PLEKHA6: variants seen among roughly 807,000 people sequenced by gnomAD.
PLEKHA6 encodes the protein pleckstrin homology domain-containing family A member 6.
PLEKHA6 carries 60 observed loss-of-function variants against 116.7 expected under a neutral mutation model. The observed-to-expected ratio is 0.51, with a 90% confidence interval of 0.42 to 0.64. PLEKHA6 has a LOEUF of 0.64. Ranked by LOEUF, PLEKHA6 falls within the 30% of genes least tolerant of loss-of-function variation. The pLI is 0.00. For synonymous variants in PLEKHA6, 489 were observed against 556.1 expected (o/e 0.88, Z 1.70); for missense variants, 1,338 against 1,422.7 (o/e 0.94, Z 0.96).
chr1:204,331,760 A>T (rs1006610477), intron 1 of PLEKHA6, among the ~76,000 whole-genome samples: 14 of 152,126 alleles, frequency 9.2e-5, no homozygotes, highest in Admixed American at 9.2e-4. Context: ...AAAGATGGAG[A>T]GGGCAGTGTT....
intron 1 of PLEKHA6, among the ~76,000 whole-genome samples, chr1:204,333,067 G>A (rs1672516864): frequency 1.3e-5 from 2 of 152,336 alleles, no homozygotes; most frequent in Non-Finnish European, 2.9e-5. Context: ...TAAGGCAAAC[G>A]ACAAACTAAG....
chr1:204,297,188 T>TCTAA (rs1288204219), intron 1 of PLEKHA6: 2 of 982,428 alleles, frequency 2.0e-6, no homozygotes, highest in Non-Finnish European at 2.4e-6. Flanking sequence ...ATCTCCTGGC[T>TCTAA]CTAACATTTG....
intron 1 of PLEKHA6, among the ~76,000 whole-genome samples, chr1:204,344,139 T>G (rs895953517): frequency 3.9e-5 from 6 of 151,924 alleles, no homozygotes; most frequent in African/African-American, 1.5e-4. Context: ...ATAAAGAAAC[T>G]TGGCCAGGAT....
chr1:204,233,364 G>A (rs1224464880), intron 17 of PLEKHA6, among the ~76,000 whole-genome samples: 1 of 141,042 alleles, frequency 7.1e-6, no homozygotes, highest in Non-Finnish European at 1.5e-5. Context: ...TTTTTGAGAT[G>A]GAGTCTCACT....
At chr1:204,235,000 AT>A (rs1661808630) in intron 17 of PLEKHA6, among the ~76,000 whole-genome samples, 4 of 22,316 alleles carry the variant, frequency 1.8e-4, no homozygotes, top group South Asian at 1.0e-3. Flanking sequence ...ATATATATAT[AT>A]ATATATATAT....
intron 2 of PLEKHA6, among the ~76,000 whole-genome samples, chr1:204,274,277 C>G (rs990158989): frequency 5.9e-5 from 9 of 152,160 alleles, no homozygotes; most frequent in African/African-American, 2.2e-4. Context: ...TCTAGAAATC[C>G]TTTCCTTCTA....
At chr1:204,325,880 T>C (rs1386045356) in intron 1 of PLEKHA6, 7 of 982,416 alleles carry the variant, frequency 7.1e-6, no homozygotes, top group Non-Finnish European at 8.5e-6. Flanking sequence ...TGGGGAGAAG[T>C]AGTAGCTGCC....
In PLEKHA6 at chr1:204,274,479, T is replaced by A. The variant is rs529506769; in HGVS notation, c.-14+250A>T. ...TGCTATGCCAGCCTCATACCTGTCT[T>A]CTACTCCATCAGCTCAACCTGTGGG... On this transcript the variant is annotated intron_variant, in intron 2 of 22. Transcript: ENST00000272203. The A allele has an allele frequency of 1.5e-3, 570 of 373,036 alleles. 5 individuals are homozygous for A. The highest frequency in any genetic ancestry group is 1.5e-3 in the Non-Finnish European group (397 of 270,168). The allele number at this position is 373,036 out of a possible 1,614,324, so 23.1% of individuals were successfully genotyped here.
rs563829630 is a variant in PLEKHA6, at chr1:204,220,639, G to C, written c.*2149C>G. 1 of 152,694 alleles carries C rather than the reference G, an allele frequency of 6.5e-6. No homozygotes were observed. The highest frequency in any genetic ancestry group is 1.9e-4 in the East Asian group (1 of 5,190). The allele number at this position is 152,694 out of a possible 1,614,324, so 9.5% of individuals were successfully genotyped here. A position where few individuals can be genotyped will look rare whatever the true frequency, so the allele number is the denominator to read the frequency against. On this transcript the variant is annotated 3_prime_UTR_variant, in exon 23 of 23. Transcript: ENST00000272203. ...TCAAAAAGGCAAGGGGTATGGTCTT[G>C]ATATGCTAGGAATGATGTGGAAAAT...
At chr1:204,308,828 A>G (rs1186544489) in intron 1 of PLEKHA6, among the ~76,000 whole-genome samples, 1 of 151,264 alleles carries the variant, frequency 6.6e-6, no homozygotes, top group Non-Finnish European at 1.5e-5. Context: ...AGCTGGGACT[A>G]CAGGCACCCA....
At chr1:204,332,824 C>T (rs1159256494) in intron 1 of PLEKHA6, among the ~76,000 whole-genome samples, 1 of 152,212 alleles carries the variant, frequency 6.6e-6, no homozygotes, top group Non-Finnish European at 1.5e-5. Context: ...TGACCTAAGG[C>T]AAGCTACTCA....
chr1:204,372,619 C>T (rs1276382630), intron 1 of PLEKHA6, among the ~76,000 whole-genome samples: 3 of 152,096 alleles, frequency 2.0e-5, no homozygotes, highest in Non-Finnish European at 4.4e-5. Flanking sequence ...AATGAGATAT[C>T]GAATAAACGC....
Position 204,289,569 on chromosome 1 carries a change from G to A in PLEKHA6, c.-94-14760C>T, listed in dbSNP as rs185055638. On this transcript the variant is annotated intron_variant, in intron 1 of 22. Coordinates refer to ENST00000272203, the MANE Select transcript of PLEKHA6 (RefSeq NM_014935.5). Reference sequence around the variant, plus strand: ...GCTGGCTGGCCGGGTTCCTTAAAGGGGCTGCACTGCATTCCCACTTGCTCC... The same window carrying A: ...GCTGGCTGGCCGGGTTCCTTAAAGGAGCTGCACTGCATTCCCACTTGCTCC... 9.8e-3 allele frequency among the ~76,000 whole-genome samples: 1,491 copies of A among 152,286 alleles called. 13 individuals are homozygous for A. Among genetic ancestry groups the A allele is most frequent in the Non-Finnish European group, 0.017 (1,134 of 68,012 alleles).
chr1:204,292,765 G>A (rs919186754), intron 1 of PLEKHA6, among the ~76,000 whole-genome samples: 1 of 152,248 alleles, frequency 6.6e-6, no homozygotes, highest in Non-Finnish European at 1.5e-5. Context: ...GGGGAGCACT[G>A]CAAGACAGGG....
chr1:204,276,310 G>C (rs1018406130), intron 1 of PLEKHA6, among the ~76,000 whole-genome samples: 1 of 152,140 alleles, frequency 6.6e-6, no homozygotes, highest in African/African-American at 2.4e-5. Context: ...AGTCTAGCAC[G>C]TTGATAATCC....
intron 1 of PLEKHA6, among the ~76,000 whole-genome samples, chr1:204,291,646 T>C (rs72749802): frequency 0.03 from 4,617 of 152,336 alleles, 93 homozygotes; most frequent in Middle Eastern, 0.065. Context: ...TTAAAATATT[T>C]ATATGGAATA....
intron 1 of PLEKHA6, among the ~76,000 whole-genome samples, chr1:204,345,536 C>T (rs1343708665): frequency 6.6e-6 from 1 of 152,056 alleles, no homozygotes; most frequent in African/African-American, 2.4e-5. Flanking sequence ...TCCCGCCCCC[C>T]TCAGGTCTGG....
At chr1:204,360,094 C>G (rs1673525459), upstream of PLEKHA6, among the ~76,000 whole-genome samples, 1 of 152,224 alleles carries the variant, frequency 6.6e-6, no homozygotes, top group African/African-American at 2.4e-5. Flanking sequence ...CCTGCCTGCC[C>G]GGGAGAGGAT....
At chr1:204,251,790 G>A (rs1442376999) in intron 9 of PLEKHA6, among the ~76,000 whole-genome samples, 1 of 152,204 alleles carries the variant, frequency 6.6e-6, no homozygotes, top group Admixed American at 6.5e-5. Flanking sequence ...CACTGAAGCT[G>A]TCCTTGCAGA....
Sources: allele counts gnomAD v4.1 joint callset (sites outside exome capture counted in the v4.1 genomes callset), GRCh38; gene constraint gnomAD v4.1.1; transcripts MANE v1.5; gene names NCBI Gene and HGNC (gene_info 2026-07-23, HGNC 2026-07-21).